PHTF2: variants seen among roughly 807,000 people sequenced by gnomAD.
The protein encoded by PHTF2 is protein PHTF2.
Under a neutral mutation model 101.2 loss-of-function variants are expected in PHTF2, and 60 were observed. The observed-to-expected ratio is 0.59, with a 90% CI of 0.48 to 0.73. The LOEUF (loss-of-function observed/expected upper bound fraction) is 0.73, where lower values mean the gene tolerates loss of function less well. Ranked by LOEUF, PHTF2 falls within the 30% of genes least tolerant of loss-of-function variation. The pLI, the probability that PHTF2 is intolerant of heterozygous loss-of-function variation, is 0.00. For synonymous variants in PHTF2, 311 were observed against 307.3 expected (o/e 1.01, Z -0.13); for missense variants, 747 against 908.7 (o/e 0.82, Z 2.29).
intron 15 of PHTF2, among the ~76,000 whole-genome samples, chr7:77,941,481 G>A (rs751969323): frequency 2.6e-5 from 4 of 152,034 alleles, no homozygotes; most frequent in Non-Finnish European, 5.9e-5. Context: ...TTTGTACATT[G>A]ATTATTTTAT....
chr7:77,848,055 A>G (rs574982609), intron 2 of PHTF2, among the ~76,000 whole-genome samples: 21 of 152,170 alleles, frequency 1.4e-4, no homozygotes, highest in Admixed American at 7.9e-4. Context: ...CTTTCTTACG[A>G]CGGAATACTA....
chr7:77,931,656 A>G (rs79986314), intron 12 of PHTF2, among the ~76,000 whole-genome samples: 15,428 of 152,258 alleles, frequency 0.1, 1,067 homozygotes, highest in South Asian at 0.19. Context: ...GTTTGTCATT[A>G]TATAGTAAAG....
In PHTF2 at chr7:77,896,454, T is replaced by G. The variant is rs533345989; in HGVS notation, c.216+2461T>G. ...CTGCAGTCCCACCTACTTGAGAGGC[T>G]GAACCAGGAGGATCACTTGAGCCCA... is the stretch of plus-strand genomic sequence containing the variant. On this transcript the variant is annotated intron_variant, in intron 5 of 19. Coordinates refer to ENST00000416283, the Ensembl canonical transcript of PHTF2. 6.5e-3 allele frequency among the ~76,000 whole-genome samples: 989 copies of G among 152,288 alleles called. 11 individuals carry two copies. Among genetic ancestry groups the G allele is most frequent in the Non-Finnish European group, 8.5e-3 (579 of 68,026 alleles).
chr7:77,936,639 A>T (rs1443059356), intron 12 of PHTF2, among the ~76,000 whole-genome samples: 2 of 151,874 alleles, frequency 1.3e-5, no homozygotes, highest in African/African-American at 4.8e-5. Context: ...GCACCATTGC[A>T]CTCCAGCCTG....
At chr7:77,917,048 C>T (rs118144813) in intron 9 of PHTF2, among the ~76,000 whole-genome samples, 203 of 152,256 alleles carry the variant, frequency 1.3e-3, no homozygotes, top group African/African-American at 4.2e-3. Context: ...TTTCTAACTC[C>T]ATCATTCCTT....
chr7:77,816,011 T>C (rs1021464968), intron 1 of PHTF2, among the ~76,000 whole-genome samples: 1 of 152,192 alleles, frequency 6.6e-6, no homozygotes, highest in Non-Finnish European at 1.5e-5. Flanking sequence ...GTTAGATGCT[T>C]GTGTTTAGTC....
intron 1 of PHTF2, among the ~76,000 whole-genome samples, chr7:77,803,686 G>GGTGT (rs1792741398): frequency 7.1e-6 from 1 of 140,676 alleles, no homozygotes; most frequent in African/African-American, 2.8e-5. Context: ...GAGTTGAACA[G>GGTGT]GCGTGTGTGT....
intron 3 of PHTF2, among the ~76,000 whole-genome samples, chr7:77,870,353 A>G (rs1232455857): frequency 3.9e-5 from 6 of 152,086 alleles, no homozygotes; most frequent in African/African-American, 9.7e-5. Flanking sequence ...CACTATCACA[A>G]GGTCTCACAA....
At chr7:77,871,841 A>G (rs554999877) in intron 3 of PHTF2, among the ~76,000 whole-genome samples, 103 of 152,286 alleles carry the variant, frequency 6.8e-4, no homozygotes, top group Admixed American at 2.9e-3. Context: ...GCCTTGGTCA[A>G]AGGCAATGCT....
At chr7:77,830,396 G>C (rs979975277) in intron 1 of PHTF2, among the ~76,000 whole-genome samples, 1 of 152,208 alleles carries the variant, frequency 6.6e-6, no homozygotes, top group Non-Finnish European at 1.5e-5. Flanking sequence ...GGTAGGAACC[G>C]TGGGCTGCAC....
intron 17 of PHTF2, among the ~76,000 whole-genome samples, chr7:77,950,354 AT>A (rs1178396677): frequency 1.3e-5 from 2 of 152,130 alleles, no homozygotes; most frequent in Non-Finnish European, 2.9e-5. Context: ...AAAGATAAAG[AT>A]CCCTGAGAAA....
At chr7:77,942,530 T>C (rs1805711584) in intron 15 of PHTF2, among the ~76,000 whole-genome samples, 170 bp from the exon 15 acceptor site, 2 of 152,242 alleles carry the variant, frequency 1.3e-5, no homozygotes, top group Admixed American at 1.3e-4. Context: ...CAGGAAATCA[T>C]AACACTATCA....
At chr7:77,918,079 A>G (rs925516384) in intron 9 of PHTF2, among the ~76,000 whole-genome samples, 1 of 152,074 alleles carries the variant, frequency 6.6e-6, no homozygotes, top group African/African-American at 2.4e-5. Flanking sequence ...TGCTACCAGT[A>G]CTCTTTCCCC....
chr7:77,917,546 CTCTT>C (rs1803047336), intron 9 of PHTF2, among the ~76,000 whole-genome samples: 2 of 152,174 alleles, frequency 1.3e-5, no homozygotes, highest in Admixed American at 1.3e-4. Flanking sequence ...TTCATTCTAT[CTCTT>C]CTTTTTATAT....
At chr7:77,874,607 G>A (rs1203620881) in intron 3 of PHTF2, among the ~76,000 whole-genome samples, 1 of 152,098 alleles carries the variant, frequency 6.6e-6, no homozygotes, top group Non-Finnish European at 1.5e-5. Context: ...ATATTTTTCT[G>A]CCTGCTTATA....
At chr7:77,822,966 G>A (rs920405493) in intron 1 of PHTF2, among the ~76,000 whole-genome samples, 3 of 137,896 alleles carry the variant, frequency 2.2e-5, no homozygotes, top group East Asian at 2.2e-4. Flanking sequence ...GTGCAGTGGC[G>A]CGATCTCGGC....
chr7:77,812,593 CT>C (rs1163639676), intron 1 of PHTF2, among the ~76,000 whole-genome samples: 213 of 143,284 alleles, frequency 1.5e-3, no homozygotes, highest in East Asian at 2.2e-3. Flanking sequence ...TCTTTTTTTA[CT>C]TTTTTTTTTT....
At chr7:77,840,932 G>A (rs898284542) in intron 2 of PHTF2, among the ~76,000 whole-genome samples, 2 of 151,890 alleles carry the variant, frequency 1.3e-5, no homozygotes, top group African/African-American at 4.8e-5. Context: ...GTTGTTTTGT[G>A]TAATACCTTA....
chr7:77,951,367 G>C (rs750122910), intron 17 of PHTF2, among the ~76,000 whole-genome samples: 2 of 152,070 alleles, frequency 1.3e-5, no homozygotes, highest in African/African-American at 4.8e-5. Context: ...CGATAATAAA[G>C]TGTCTCACCT....
Sources: gnomAD v4.1 joint callset for allele counts (sites outside exome capture counted in the v4.1 genomes callset) on GRCh38, gnomAD v4.1.1 for gene constraint, MANE v1.5 for transcripts, NCBI Gene and HGNC (gene_info 2026-07-23, HGNC 2026-07-21) for gene names.